The following PMS1 variants were observed in gnomAD, a reference collection of about 807,000 sequenced individuals.
The protein encoded by PMS1 is PMS1 protein homolog 1.
Under a neutral mutation model 93.1 loss-of-function variants are expected in PMS1, and 79 were observed. The ratio of observed to expected loss-of-function variants is 0.85; its 90% CI spans 0.71 to 1.02. The LOEUF is 1.02. Among genes scored for constraint, PMS1 ranks in the 50% least tolerant of loss-of-function variants. The probability of loss-of-function intolerance (pLI) is 0.00; values close to 1 mark genes in which losing one functional copy is unlikely to be tolerated. For missense variants in PMS1, 1,064 were observed against 1,085.3 expected, an observed-to-expected ratio of 0.98 and a Z score of 0.28; for synonymous variants, 335 against 363.4, an observed-to-expected ratio of 0.92 and a Z score of 0.89.
At chr2:189,797,087 A>G (rs2049426692) in intron 3 of PMS1, among the ~76,000 whole-genome samples, 1 of 152,108 alleles carries the variant, frequency 6.6e-6, no homozygotes, top group South Asian at 2.1e-4. Context: ...TTTTTCCTAT[A>G]CCTACTTGAC....
chr2:189,796,548 A>G (rs2049375582), intron 3 of PMS1, among the ~76,000 whole-genome samples: 1 of 152,084 alleles, frequency 6.6e-6, no homozygotes, highest in Non-Finnish European at 1.5e-5. Context: ...CCCATCCCCT[A>G]GTACTCACTG....
At chr2:189,831,605 C>T (rs1165603552) in intron 5 of PMS1, among the ~76,000 whole-genome samples, 1 of 152,018 alleles carries the variant, frequency 6.6e-6, no homozygotes, top group Non-Finnish European at 1.5e-5. Flanking sequence ...TTGAGTTTCT[C>T]CTATAATGTA....
At chr2:189,789,746 C>G (rs1005288268) in intron 1 of PMS1, among the ~76,000 whole-genome samples, 1 of 152,138 alleles carries the variant, frequency 6.6e-6, no homozygotes, top group Non-Finnish European at 1.5e-5. Flanking sequence ...AGGATTAAAT[C>G]ATCATAGGAG....
rs1283548962 is a variant in PMS1 at position 189,864,151 on chromosome 2, C to T, written c.2265C>T (p.Ala755=). ...TAAATCCATATAGAGTAGAAGAAGC[C>T]CTGCTATTTAAAAGACTTCTTGAGA... ...MLLNPYRVEE[A]LLFKRLLENH... Residue 755 remains alanine, a synonymous_variant, in exon 10 of 13, where the codon GCC becomes GCT. Transcript: ENST00000441310. The T allele has an allele frequency of 1.2e-6, 2 of 1,610,834 alleles. No individual in the cohort carries two copies. Among genetic ancestry groups the T allele is most frequent in the Middle Eastern group, 1.6e-4 (1 of 6,072 alleles).
intron 5 of PMS1, among the ~76,000 whole-genome samples, chr2:189,818,662 A>G (rs2051539089): frequency 6.6e-6 from 1 of 151,906 alleles, no homozygotes; most frequent in Non-Finnish European, 1.5e-5. Flanking sequence ...TTTATTACAT[A>G]AAGAGTGTCT....
rs1398840642 is a variant in PMS1, at chr2:189,791,590, C to A, written c.-20-200C>A. The A allele has an allele frequency of 6.7e-6, 3 of 450,974 alleles. No individual in the cohort carries two copies. The Admixed American group carries it at 1.0e-4, about 15-fold the overall frequency. 27.9% of individuals were successfully genotyped at this position (450,974 alleles called of 1,614,324 possible). A position where few individuals can be genotyped will look rare whatever the true frequency, so the allele number is the denominator to read the frequency against. ...CGAGATCACGCCACTGCACTCCAGC[C>A]TGGGTGACAGCGAGATTTCATCTCC... On this transcript the variant is annotated intron_variant, in intron 1 of 12. Coordinates refer to ENST00000441310, the MANE Select transcript of PMS1 (RefSeq NM_000534.5).
At chr2:189,872,794 G>A (rs896809037) in intron 11 of PMS1, among the ~76,000 whole-genome samples, 7 of 151,952 alleles carry the variant, frequency 4.6e-5, no homozygotes, top group Non-Finnish European at 5.9e-5. Flanking sequence ...CACCACACTC[G>A]TCTAATTTTT....
intron 7 of PMS1, among the ~76,000 whole-genome samples, chr2:189,853,354 G>A (rs922534233): frequency 1.3e-5 from 2 of 151,764 alleles, no homozygotes; most frequent in African/African-American, 4.8e-5. Flanking sequence ...CCATGCCAGA[G>A]TTTTGATTTG....
At chr2:189,855,743 G>A (rs2055255102) in intron 9 of PMS1, 1 of 235,886 alleles carries the variant, frequency 4.2e-6, no homozygotes, top group African/African-American at 2.3e-5. Context: ...ATCTGTCTTT[G>A]ATTAAAATAG....
chr2:189,795,695 A>T, intron 2 of PMS1, 74 bp from the exon 3 acceptor site: 1 of 1,182,568 alleles, frequency 8.5e-7, no homozygotes, highest in Non-Finnish European at 1.3e-6. Context: ...AAATTCTTTC[A>T]CTTGTGTTTC....
chr2:189,824,359 G>A (rs996333984), intron 5 of PMS1, among the ~76,000 whole-genome samples: 10 of 151,640 alleles, frequency 6.6e-5, no homozygotes, highest in Non-Finnish European at 8.8e-5. Context: ...GATTATAATG[G>A]CACTATTCTG....
intron 4 of PMS1, among the ~76,000 whole-genome samples, chr2:189,811,189 A>C (rs1458124929): frequency 1.3e-5 from 2 of 151,624 alleles, no homozygotes; most frequent in Non-Finnish European, 2.9e-5. Context: ...TAGAATGAGA[A>C]AAGAGCATCA....
chr2:189,835,328 A>G (rs1399659179), intron 5 of PMS1, among the ~76,000 whole-genome samples: 1 of 152,230 alleles, frequency 6.6e-6, no homozygotes, highest in African/African-American at 2.4e-5. Flanking sequence ...AATTCATATT[A>G]ATGTTTATTA....
intron 5 of PMS1, among the ~76,000 whole-genome samples, chr2:189,830,051 G>A (rs1286243179): frequency 2.0e-5 from 3 of 152,034 alleles, no homozygotes; most frequent in Non-Finnish European, 2.9e-5. Context: ...CTTTATAAGC[G>A]GACTGTGAAT....
At chr2:189,863,184 A>G (rs1456026194) in intron 9 of PMS1, among the ~76,000 whole-genome samples, 2 of 150,036 alleles carry the variant, frequency 1.3e-5, no homozygotes, top group African/African-American at 4.9e-5. Context: ...ACTTTAAATA[A>G]TTGAGGGTTT....
rs1452156557 is a variant in PMS1, at chr2:189,877,588, AC to A, written c.*153del. The stretch of plus-strand genomic sequence containing the variant: ...TTGTTTTTATATTGAAAAAAGTTCC[AC>A]GTATTGTAGAAAACGTAAATAAACT... On this transcript the variant is annotated 3_prime_UTR_variant, in exon 13 of 13. Transcript: ENST00000441310. 2 of 611,456 alleles carry A rather than the reference AC, an allele frequency of 3.3e-6. No homozygotes were observed. The highest frequency in any genetic ancestry group is 3.7e-5 in the African/African-American group (2 of 54,096). 37.9% of individuals were successfully genotyped at this position (611,456 alleles called of 1,614,324 possible). A position where few individuals can be genotyped will look rare whatever the true frequency, so the allele number is the denominator to read the frequency against.
intron 6 of PMS1, among the ~76,000 whole-genome samples, chr2:189,849,867 CTTTTTT>C (rs751444288): frequency 1.7e-5 from 2 of 118,896 alleles, no homozygotes; most frequent in African/African-American, 6.4e-5. Context: ...TATTTTTAAA[CTTTTTT>C]TTTTTTTTTT....
rs576855679 is a variant in PMS1 at position 189,873,995 on chromosome 2, T to C, written c.2634+339T>C. Reference sequence around the variant, plus strand: ...GCTGATTCTATATATAGAGGTATTATAGATTGGCCAGACTTTAAGATACTT... The same window carrying C: ...GCTGATTCTATATATAGAGGTATTACAGATTGGCCAGACTTTAAGATACTT... On this transcript the variant is annotated intron_variant, in intron 12 of 12. Coordinates refer to ENST00000441310, the MANE Select transcript of PMS1 (RefSeq NM_000534.5). 1.1e-4 allele frequency among the ~76,000 whole-genome samples: 17 copies of C among 152,274 alleles called. No individual in the cohort carries two copies. In the South Asian group the frequency reaches 3.1e-3, roughly 28 times the overall value.
intron 4 of PMS1, among the ~76,000 whole-genome samples, chr2:189,810,324 A>G (rs2050726088): frequency 1.3e-5 from 2 of 152,246 alleles, no homozygotes; most frequent in African/African-American, 4.8e-5. Flanking sequence ...CTTTAAACTC[A>G]TTGAAGACCT....
Sources: allele counts gnomAD v4.1 joint callset (sites outside exome capture counted in the v4.1 genomes callset), GRCh38; gene constraint gnomAD v4.1.1; transcripts MANE v1.5; gene names NCBI Gene and HGNC (gene_info 2026-07-23, HGNC 2026-07-21).